The following ANKFN1 variants were observed in gnomAD, a reference collection of about 807,000 sequenced individuals.
The protein encoded by ANKFN1 is ankyrin repeat and fibronectin type III domain containing 1, also known as ankyrin repeat and fibronectin type-III domain-containing protein 1.
A neutral mutation model predicts 108.7 loss-of-function variants in ANKFN1; 74 were observed. The observed-to-expected ratio is 0.68, with a 90% CI of 0.56 to 0.83. ANKFN1 has a LOEUF of 0.83. ANKFN1 is among the 40% of genes least tolerant of loss of function. The pLI, the probability that ANKFN1 is intolerant of heterozygous loss-of-function variation, is 0.00. For synonymous variants in ANKFN1, 547 were observed against 516.2 expected (o/e 1.06, Z -0.81); for missense variants, 1,505 against 1,382.3 (o/e 1.09, Z -1.41).
intron 4 of ANKFN1, among the ~76,000 whole-genome samples, chr17:56,116,185 C>A (rs930638685): frequency 6.6e-6 from 1 of 152,110 alleles, no homozygotes; most frequent in Non-Finnish European, 1.5e-5. Flanking sequence ...AGATTGCATT[C>A]ATTGTTTTTA....
chr17:56,329,174 C>A (rs551549588), intron 4 of ANKFN1, among the ~76,000 whole-genome samples: 1 of 152,268 alleles, frequency 6.6e-6, no homozygotes, highest in Admixed American at 6.5e-5. Flanking sequence ...TCATGGCATG[C>A]AAGTTCTTTG....
intron 4 of ANKFN1, among the ~76,000 whole-genome samples, chr17:56,058,037 T>C (rs1051996730): frequency 6.6e-6 from 1 of 152,242 alleles, no homozygotes; most frequent in Non-Finnish European, 1.5e-5. Flanking sequence ...TACACAGATG[T>C]GCTGTCTGTC....
intron 3 of ANKFN1, among the ~76,000 whole-genome samples, chr17:56,271,835 A>G (rs537110685): frequency 1.3e-5 from 2 of 152,314 alleles, no homozygotes; most frequent in Admixed American, 6.5e-5. Flanking sequence ...AGTCACTGGC[A>G]ATTTGCCTTT....
intron 3 of ANKFN1, among the ~76,000 whole-genome samples, chr17:56,306,332 T>C (rs956825267): frequency 1.3e-5 from 2 of 152,324 alleles, no homozygotes; most frequent in South Asian, 2.1e-4. Context: ...TTTTTTCCAC[T>C]AGCATTTTGT....
chr17:56,399,686 T>C (rs1167095819), intron 8 of ANKFN1, among the ~76,000 whole-genome samples: 1 of 151,854 alleles, frequency 6.6e-6, no homozygotes, highest in Non-Finnish European at 1.5e-5. Flanking sequence ...TGCCTTTGCG[T>C]CCTGATAGCT....
chr17:56,509,722 C>T (rs575223897), intron 20 of ANKFN1, among the ~76,000 whole-genome samples: 5 of 152,292 alleles, frequency 3.3e-5, no homozygotes, highest in East Asian at 1.9e-4. Flanking sequence ...AGAGCAAGTA[C>T]GCACATCATC....
chr17:56,078,925 G>A (rs776378852), intron 4 of ANKFN1, among the ~76,000 whole-genome samples: 1 of 152,160 alleles, frequency 6.6e-6, no homozygotes, highest in Non-Finnish European at 1.5e-5. Context: ...ATAGCAAACA[G>A]CTCTCACTTT....
chr17:56,092,845 GGTT>G (rs1479466039), intron 4 of ANKFN1, among the ~76,000 whole-genome samples: 1 of 150,718 alleles, frequency 6.6e-6, no homozygotes, highest in Non-Finnish European at 1.5e-5. Context: ...GTGGGTGTGG[GGTT>G]GTTCTCTTCT....
chr17:56,481,682 G>T (rs575103817), intron 17 of ANKFN1, among the ~76,000 whole-genome samples: 2 of 152,092 alleles, frequency 1.3e-5, no homozygotes, highest in Non-Finnish European at 2.9e-5. Context: ...GTGCTCTTTC[G>T]ATTTTAAGTC....
At chr17:56,189,173 T>TG in intron 1 of ANKFN1, among the ~76,000 whole-genome samples, 1 of 111,098 alleles carries the variant, frequency 9.0e-6, no homozygotes, top group Non-Finnish European at 1.7e-5. Flanking sequence ...GCCCTGACTT[T>TG]TTTTTTTTTT....
At chr17:56,080,384 C>T (rs1905231438) in intron 4 of ANKFN1, among the ~76,000 whole-genome samples, 1 of 152,276 alleles carries the variant, frequency 6.6e-6, no homozygotes, top group East Asian at 1.9e-4. Flanking sequence ...CAATGCCCAA[C>T]AGTAAGGGAA....
chr17:56,468,566 G>A (rs1367768535), intron 15 of ANKFN1, among the ~76,000 whole-genome samples: 1 of 152,112 alleles, frequency 6.6e-6, no homozygotes, highest in African/African-American at 2.4e-5. Flanking sequence ...GAAGGACCCA[G>A]TTGCACAGAA....
chr17:56,108,479 TATG>T lies in ANKFN1; in HGVS notation c.288+62157_288+62159del, dbSNP rs767966967. ...ACAAATGCTTAGAACACACTTACTA[TATG>T]ATAACCATTGCAAACATTGGATATT... On this transcript the variant is annotated intron_variant, in intron 4 of 12. Coordinates refer to the ANKFN1 transcript ENST00000635860. 5.3e-5 allele frequency among the ~76,000 whole-genome samples: 8 copies of T among 152,342 alleles called. No individual in the cohort carries two copies. In the East Asian group the frequency reaches 1.2e-3, roughly 22 times the overall value.
intron 4 of ANKFN1, among the ~76,000 whole-genome samples, chr17:56,145,591 C>T (rs1013153099): frequency 9.2e-5 from 14 of 152,268 alleles, no homozygotes; most frequent in Admixed American, 5.2e-4. Flanking sequence ...AGGAAAACCA[C>T]CCCCATGATT....
chr17:56,189,421 C>T (rs1184047850), intron 1 of ANKFN1, among the ~76,000 whole-genome samples: 1 of 151,826 alleles, frequency 6.6e-6, no homozygotes, highest in Non-Finnish European at 1.5e-5. Context: ...CCGCCCGCCT[C>T]GGCCTCCCAA....
At position 56,170,805 on chromosome 17, in the gene ANKFN1, T is replaced by TACACACACACACACACACACACAC. The variant is rs1383558821; in HGVS notation, c.-71+17276_-71+17277insCACACACACACACACACACACACA. ...ATATATATATATATATATATATATA[T>TACACACACACACACACACACACAC]ATACACACACACACACACACACACA... On this transcript the variant is annotated intron_variant, in intron 1 of 20. Coordinates refer to ENST00000682825, the MANE Select transcript of ANKFN1 (RefSeq NM_001370326.1). Among the ~76,000 whole-genome samples, 54 of 72,112 alleles carry TACACACACACACACACACACACAC rather than the reference T, an allele frequency of 7.5e-4. 1 individual carries two copies. The highest frequency in any genetic ancestry group is 2.6e-3 in the South Asian group (4 of 1,538). The allele number at this position is 72,112 out of a possible 152,430, so 47.3% of individuals were successfully genotyped here.
At chr17:56,096,925 C>T (rs763739702) in intron 4 of ANKFN1, among the ~76,000 whole-genome samples, 36 of 152,162 alleles carry the variant, frequency 2.4e-4, no homozygotes, top group Middle Eastern at 6.3e-3. Context: ...TGGAATACTA[C>T]GCAGTCACTA....
Position 56,512,999 on chromosome 17 carries a change from A to G in ANKFN1, c.*1730A>G, listed in dbSNP as rs975745997. Among the ~76,000 whole-genome samples, 7 of 152,160 alleles carry G rather than the reference A, an allele frequency of 4.6e-5. No homozygotes were observed. Among genetic ancestry groups the G allele is most frequent in the Non-Finnish European group, 8.8e-5 (6 of 68,024 alleles). ...ATTTTCTTCTGTCTAAGTGAATTCTATGTGCATGGAGAGTGTTAGAACTAG... is the reference window on the plus strand; with the variant it reads ...ATTTTCTTCTGTCTAAGTGAATTCTGTGTGCATGGAGAGTGTTAGAACTAG... On this transcript the variant is annotated 3_prime_UTR_variant, in exon 21 of 21. Transcript: ENST00000682825.
chr17:56,226,506 T>TG (rs1916286029), intron 2 of ANKFN1, among the ~76,000 whole-genome samples: 1 of 152,130 alleles, frequency 6.6e-6, no homozygotes, highest in African/African-American at 2.4e-5. Context: ...TTGGAGATAT[T>TG]GAGTAGTTGG....
Sources: allele counts gnomAD v4.1 joint callset (sites outside exome capture counted in the v4.1 genomes callset), GRCh38; gene constraint gnomAD v4.1.1; transcripts MANE v1.5; gene names NCBI Gene and HGNC (gene_info 2026-07-23, HGNC 2026-07-21).